SLC9A1: variants seen among roughly 807,000 people sequenced by gnomAD.
SLC9A1 encodes solute carrier family 9 member A1.
Under a neutral mutation model 67.9 loss-of-function variants are expected in SLC9A1, and 22 were observed. The ratio of observed to expected loss-of-function variants is 0.32; its 90% CI spans 0.23 to 0.46. SLC9A1 has a LOEUF of 0.46. Ranked by LOEUF, SLC9A1 falls within the 20% of genes least tolerant of loss-of-function variation. The probability of loss-of-function intolerance (pLI) is 1.00; values close to 1 mark genes in which losing one functional copy is unlikely to be tolerated. For synonymous variants in SLC9A1, 421 were observed against 471.8 expected (o/e 0.89, Z 1.40); for missense variants, 686 against 1,094.8 (o/e 0.63, Z 5.27).
At position 27,109,120 on chromosome 1, in the gene SLC9A1, G is replaced by A. The variant is rs2083209551; in HGVS notation, c.1064+407C>T. ...GACCGCCAGGACTCAGGCCTGGTGA[G>A]CCTCCTACTGGGGCTGCTGAGGGGA... is the stretch of plus-strand genomic sequence containing the variant. On this transcript the variant is annotated intron_variant, in intron 3 of 11. Transcript: ENST00000263980. This position sits in a 1 kb window ranked among gnomAD's most constrained non-coding sequence, Gnocchi z 5.5. 6.6e-6 allele frequency among the ~76,000 whole-genome samples: 1 copy of A among 152,184 alleles called. No homozygotes were observed. Among genetic ancestry groups the A allele is most frequent in the Non-Finnish European group, 1.5e-5 (1 of 68,038 alleles).
At chr1:27,144,879 G>T (rs1418944054) in intron 1 of SLC9A1, among the ~76,000 whole-genome samples, 1 of 152,042 alleles carries the variant, frequency 6.6e-6, no homozygotes, top group Admixed American at 6.5e-5. Flanking sequence ...GCGTGGTGAT[G>T]TAAGCCTGTA....
intron 1 of SLC9A1, among the ~76,000 whole-genome samples, chr1:27,151,794 A>G (rs2083530368): frequency 6.6e-6 from 1 of 151,896 alleles, no homozygotes; most frequent in African/African-American, 2.4e-5. Context: ...CTGAACAGGG[A>G]CTCTTCAGAT....
intron 1 of SLC9A1, among the ~76,000 whole-genome samples, chr1:27,153,708 A>G (rs1424111330): frequency 6.6e-6 from 1 of 152,196 alleles, no homozygotes; most frequent in African/African-American, 2.4e-5. Flanking sequence ...CAGTCGTGGA[A>G]GCCTTACTGA....
chr1:27,101,270 G>A lies in SLC9A1; in HGVS notation c.2043C>T (p.Asn681=), dbSNP rs2083141587. 1 of 1,611,838 alleles carries A rather than the reference G, an allele frequency of 6.2e-7. No homozygotes were observed. Among genetic ancestry groups the A allele is most frequent in the Non-Finnish European group, 8.5e-7 (1 of 1,179,742 alleles). The change falls in exon 11 of 12, where the codon AAC becomes AAT. Residue 681 remains asparagine, a synonymous_variant. Coordinates refer to ENST00000263980, the MANE Select transcript of SLC9A1 (RefSeq NM_003047.5). This position sits in a 1 kb window ranked among gnomAD's most constrained non-coding sequence, Gnocchi z 4.9. The part of the protein sequence containing the change: ...QKARQLEQKI[N]NYLTVPAHKL... ...TGTGGGCTGGCACCGTCAGGTAGTT[G>A]TTGATCTGACAGAGAGGACAGACGG... is the stretch of plus-strand genomic sequence containing the variant.
intron 3 of SLC9A1, among the ~76,000 whole-genome samples, chr1:27,108,931 G>A (rs371296086): frequency 8.3e-4 from 126 of 152,276 alleles, no homozygotes; most frequent in African/African-American, 2.7e-3. Flanking sequence ...GCAGCTGCTT[G>A]GAGCTCGGAG....
rs764202913 is a variant in SLC9A1, at chr1:27,101,994, G to A, written c.1935+22C>T. 2.4e-5 allele frequency: 37 copies of A among 1,574,224 alleles called. No individual in the cohort carries two copies. Among genetic ancestry groups the A allele is most frequent in the South Asian group, 1.2e-4 (11 of 90,342 alleles). ...GAAGGGCTCCTGTACCCTGGGGGTC[G>A]GGCTGGGGAGCAGGCCCTCACCCGC... On this transcript the variant is annotated intron_variant, in intron 9 of 11. Coordinates refer to ENST00000263980, the MANE Select transcript of SLC9A1 (RefSeq NM_003047.5). The surrounding 1 kb of genome is among the most constrained non-coding windows in gnomAD (Gnocchi z 4.9).
chr1:27,145,521 T>C (rs1440957787), intron 1 of SLC9A1, among the ~76,000 whole-genome samples: 1 of 152,220 alleles, frequency 6.6e-6, no homozygotes, highest in Non-Finnish European at 1.5e-5. Context: ...TAGCTATTTA[T>C]TGGTTTAGTG....
intron 6 of SLC9A1, 90 bp from the exon 7 acceptor site, chr1:27,102,833 C>T: frequency 1.7e-6 from 2 of 1,171,042 alleles, no homozygotes; most frequent in Non-Finnish European, 2.5e-6. Flanking sequence ...CCCGTAGCTG[C>T]AGCCCTGCTG....
chr1:27,102,732 G>A lies in SLC9A1; in HGVS notation c.1587C>T (p.His529=). The A allele has an allele frequency of 6.2e-7, 1 of 1,613,680 alleles. No homozygotes were observed. The change falls in exon 7 of 12, where the codon CAC becomes CAT. Residue 529 remains histidine, a synonymous_variant. Coordinates refer to ENST00000263980, the MANE Select transcript of SLC9A1 (RefSeq NM_003047.5). The stretch of plus-strand genomic sequence containing the variant: ...AGATGTCTTCGATGCCTGTCAGAAG[G>A]TGGTCCAGGAACTGAAAGGGGCCCA... ...NEEIHTQFLD[H]LLTGIEDICG...
Position 27,100,701 on chromosome 1 carries a change from G to A in SLC9A1, c.2111-57C>T, listed in dbSNP as rs548335504. On this transcript the variant is annotated intron_variant, in intron 11 of 11. Coordinates refer to ENST00000263980, the MANE Select transcript of SLC9A1 (RefSeq NM_003047.5). This position sits in a 1 kb window ranked among gnomAD's most constrained non-coding sequence, Gnocchi z 5.6. ...TCCGCTCTGGAGCCCGGCCCAGCAC[G>A]TGCCACTCGGCCGCGTCAGTGCCTC... 18 of 1,433,554 alleles carry A rather than the reference G, an allele frequency of 1.3e-5. No homozygotes were observed. The highest frequency in any genetic ancestry group is 6.9e-5 in the East Asian group (3 of 43,734). The allele number at this position is 1,433,554 out of a possible 1,614,324, so 88.8% of individuals were successfully genotyped here. A position where few individuals can be genotyped will look rare whatever the true frequency, so the allele number is the denominator to read the frequency against.
At position 27,101,233 on chromosome 1, in the gene SLC9A1, G is replaced by A; in HGVS notation, c.2080C>T (p.Pro694Ser). The A allele has an allele frequency of 6.2e-7, 1 of 1,612,152 alleles. No homozygotes were observed. Among genetic ancestry groups the A allele is most frequent in the Non-Finnish European group, 8.5e-7 (1 of 1,179,992 alleles). Residue 694 changes from proline (P) to serine (S), a missense_variant, in exon 11 of 12, where the codon CCC (proline) becomes TCC (serine). Coordinates refer to ENST00000263980, the MANE Select transcript of SLC9A1 (RefSeq NM_003047.5). The surrounding 1 kb of genome is among the most constrained non-coding windows in gnomAD (Gnocchi z 4.9). ...CCGATGCGGGCCCGAGACATGGTGGGTGAGTCCAGCTTGTGGGCTGGCACC... is the reference window on the plus strand; with the variant it reads ...CCGATGCGGGCCCGAGACATGGTGGATGAGTCCAGCTTGTGGGCTGGCACC... ...LTVPAHKLDS[P>S]TMSRARIGSD... is the part of the protein sequence containing the mutation.
chr1:27,147,812 C>T (rs1256594276), intron 1 of SLC9A1, among the ~76,000 whole-genome samples: 6 of 151,898 alleles, frequency 4.0e-5, no homozygotes, highest in Admixed American at 2.6e-4. Context: ...CTGACCAACA[C>T]GGCAAAACCC....
chr1:27,103,416 T>C, intron 5 of SLC9A1, 104 bp from the exon 6 acceptor site: 1 of 805,304 alleles, frequency 1.2e-6, no homozygotes. Context: ...GGATGCCCTC[T>C]CTGCTCTGCT....
rs758360406 is a variant in SLC9A1 at position 27,101,855 on chromosome 1, C to T, written c.1936-29G>A. On this transcript the variant is annotated intron_variant, in intron 9 of 11. Coordinates refer to ENST00000263980, the MANE Select transcript of SLC9A1 (RefSeq NM_003047.5). The surrounding 1 kb of genome is among the most constrained non-coding windows in gnomAD (Gnocchi z 4.9). Reference sequence around the variant, plus strand: ...TGGGAGGGACAGCGTCAGGGCAGTGCGGGCCCCGGAAGGCTCTGCTCATGG... The same window carrying T: ...TGGGAGGGACAGCGTCAGGGCAGTGTGGGCCCCGGAAGGCTCTGCTCATGG... The T allele has an allele frequency of 3.3e-5, 52 of 1,559,364 alleles. No individual in the cohort carries two copies. Among genetic ancestry groups the T allele is most frequent in the Non-Finnish European group, 4.4e-5 (50 of 1,134,094 alleles).
At position 27,151,764 on chromosome 1, in the gene SLC9A1, T is replaced by C. The variant is rs540886374; in HGVS notation, c.352+2219A>G. 7.2e-5 allele frequency among the ~76,000 whole-genome samples: 11 copies of C among 152,152 alleles called. No individual in the cohort carries two copies. The South Asian group carries it at 2.3e-3, about 32-fold the overall frequency. ...ACTGCAAAGGTGAAGCTGGGAAAAA[T>C]GGGCTTTCATTTTTGAGGCCTGAAC... On this transcript the variant is annotated intron_variant, in intron 1 of 11. Coordinates refer to ENST00000263980, the MANE Select transcript of SLC9A1 (RefSeq NM_003047.5).
At chr1:27,151,589 C>G (rs761497488) in intron 1 of SLC9A1, among the ~76,000 whole-genome samples, 4 of 152,134 alleles carry the variant, frequency 2.6e-5, no homozygotes, top group African/African-American at 4.8e-5. Flanking sequence ...ATCAAAACTC[C>G]TGACTTCAGG....
At chr1:27,112,270 A>G (rs989697502) in intron 2 of SLC9A1, among the ~76,000 whole-genome samples, 2 of 152,192 alleles carry the variant, frequency 1.3e-5, no homozygotes, top group African/African-American at 4.8e-5. Flanking sequence ...AGGAACAGGA[A>G]GCTGAGGCTG....
intron 1 of SLC9A1, among the ~76,000 whole-genome samples, chr1:27,132,582 A>G (rs914051070): frequency 2.6e-5 from 4 of 152,296 alleles, no homozygotes; most frequent in African/African-American, 9.6e-5. Flanking sequence ...GGTGAGGACC[A>G]CTCAAAATGA....
rs145148698 is a variant in SLC9A1 at position 27,130,398 on chromosome 1, G to A, written c.353-16112C>T. ...ATTACAGGCGTGAGCCACCGCACCC[G>A]GCCTAAACTGCTGGTCTTTCTAAGA... On this transcript the variant is annotated intron_variant, in intron 1 of 11. Coordinates refer to ENST00000263980, the MANE Select transcript of SLC9A1 (RefSeq NM_003047.5). Among the ~76,000 whole-genome samples, 620 of 152,268 alleles carry A rather than the reference G, an allele frequency of 4.1e-3. 4 individuals carry two copies. Among genetic ancestry groups the A allele is most frequent in the African/African-American group, 0.013 (558 of 41,568 alleles).
Sources: gnomAD v4.1 joint callset for allele counts (sites outside exome capture counted in the v4.1 genomes callset) on GRCh38, gnomAD v4.1.1 for gene constraint, Gnocchi (gnomAD v3.1) non-coding constraint, MANE v1.5 for transcripts, NCBI Gene and HGNC (gene_info 2026-07-23, HGNC 2026-07-21) for gene names.